The following PRKG1 variants were observed in gnomAD, a reference collection of about 807,000 sequenced individuals.
PRKG1 encodes cGMP-dependent protein kinase 1.
A neutral mutation model predicts 88.1 loss-of-function variants in PRKG1; 35 were observed. The ratio of observed to expected loss-of-function variants is 0.40; its 90% CI spans 0.30 to 0.53. PRKG1 has a LOEUF of 0.53. PRKG1 is among the 20% of genes least tolerant of loss of function. The probability of loss-of-function intolerance (pLI) is 0.59; values close to 1 mark genes in which losing one functional copy is unlikely to be tolerated. For synonymous variants in PRKG1, 303 were observed against 292.5 expected, an observed-to-expected ratio of 1.04 and a Z score of -0.37; for missense variants, 540 against 839.8, an observed-to-expected ratio of 0.64 and a Z score of 4.41.
intron 3 of PRKG1, among the ~76,000 whole-genome samples, chr10:51,643,636 C>A (rs567340927): frequency 6.6e-6 from 1 of 152,226 alleles, no homozygotes; most frequent in South Asian, 2.1e-4. Flanking sequence ...GGATCTCCTG[C>A]TGAGTGCTTG....
chr10:51,976,029 A>G (rs1843824073), intron 5 of PRKG1, among the ~76,000 whole-genome samples: 1 of 152,094 alleles, frequency 6.6e-6, no homozygotes, highest in Non-Finnish European at 1.5e-5. Context: ...AAACATCATT[A>G]GTCATTAGAA....
chr10:51,074,417 G>A, upstream of PRKG1: 1 of 1,440,214 alleles, frequency 6.9e-7, no homozygotes, highest in Non-Finnish European at 9.2e-7. Flanking sequence ...AACTCTGGGT[G>A]GCTGGAGCCG....
At chr10:52,292,226 G>A (rs950842408) in intron 17 of PRKG1, among the ~76,000 whole-genome samples, 1 of 150,588 alleles carries the variant, frequency 6.6e-6, no homozygotes, top group Admixed American at 6.6e-5. Context: ...TGTTCACTCT[G>A]ATGGTAGTTT....
At chr10:51,854,001 T>C (rs939858638) in intron 4 of PRKG1, among the ~76,000 whole-genome samples, 8 of 152,106 alleles carry the variant, frequency 5.3e-5, no homozygotes, top group Admixed American at 4.6e-4. Context: ...AAAACAGCAA[T>C]TGTTTCTACT....
Position 51,886,672 on chromosome 10 carries a change from A to G in PRKG1, c.699-20835A>G, listed in dbSNP as rs143242976. Among the ~76,000 whole-genome samples, 81 of 152,344 alleles carry G rather than the reference A, an allele frequency of 5.3e-4. 1 individual carries two copies. The highest frequency in any genetic ancestry group is 8.5e-4 in the Non-Finnish European group (58 of 68,040). On this transcript the variant is annotated intron_variant, in intron 4 of 17. Transcript: ENST00000373980. Reference sequence around the variant, plus strand: ...CTGCATCTGGCTCGTTTTGCAGATGATAATGTCTCATAGGTTTAACCATGC... The same window carrying G: ...CTGCATCTGGCTCGTTTTGCAGATGGTAATGTCTCATAGGTTTAACCATGC...
Position 51,218,569 on chromosome 10 carries a change from CAT to C in PRKG1, c.478+65248_478+65249del, listed in dbSNP as rs372292970. On this transcript the variant is annotated intron_variant, in intron 2 of 17. Transcript: ENST00000373980. ...TTGGCATTTATATATATGTATTTGG[CAT>C]ATATATATGTATTTGGCATTTACAT... Among the ~76,000 whole-genome samples, 23 of 115,252 alleles carry C rather than the reference CAT, an allele frequency of 2.0e-4. No homozygotes were observed. The East Asian group carries it at 3.6e-3, about 18-fold the overall frequency. The allele number at this position is 115,252 out of a possible 152,430, so 75.6% of individuals were successfully genotyped here. A position where few individuals can be genotyped will look rare whatever the true frequency, so the allele number is the denominator to read the frequency against.
chr10:52,158,358 A>G (rs1838182796), intron 8 of PRKG1, among the ~76,000 whole-genome samples: 2 of 151,726 alleles, frequency 1.3e-5, no homozygotes, highest in African/African-American at 4.8e-5. Flanking sequence ...CTGAGTAACT[A>G]TTTAGAAAAG....
chr10:51,174,529 G>T (rs991194003), intron 2 of PRKG1, among the ~76,000 whole-genome samples: 1 of 151,900 alleles, frequency 6.6e-6, no homozygotes, highest in African/African-American at 2.4e-5. Context: ...AGAAGAAAAA[G>T]AAAGAAAAAA....
intron 5 of PRKG1, among the ~76,000 whole-genome samples, chr10:51,946,670 C>T (rs993087992): frequency 6.6e-6 from 1 of 152,042 alleles, no homozygotes; most frequent in Non-Finnish European, 1.5e-5. Flanking sequence ...GTTAGTTTTC[C>T]TCCTAAGAGA....
At chr10:51,524,505 T>C (rs1321330187) in intron 3 of PRKG1, among the ~76,000 whole-genome samples, 5 of 152,238 alleles carry the variant, frequency 3.3e-5, no homozygotes, top group African/African-American at 4.8e-5. Flanking sequence ...CAATTTTACA[T>C]AATTTTTGTG....
chr10:51,503,102 G>T (rs1375948131), intron 3 of PRKG1, among the ~76,000 whole-genome samples: 1 of 152,106 alleles, frequency 6.6e-6, no homozygotes, highest in Non-Finnish European at 1.5e-5. Context: ...CTTTAAAGGA[G>T]GAGGGAAAGT....
At chr10:51,933,443 T>A (rs1842736140) in intron 5 of PRKG1, among the ~76,000 whole-genome samples, 1 of 152,138 alleles carries the variant, frequency 6.6e-6, no homozygotes, top group South Asian at 2.1e-4. Flanking sequence ...TTATAACCGA[T>A]AATTTCATGA....
At chr10:52,200,291 A>G in intron 9 of PRKG1, among the ~76,000 whole-genome samples, 1 of 152,158 alleles carries the variant, frequency 6.6e-6, no homozygotes, top group Non-Finnish European at 1.5e-5. Flanking sequence ...GCTGCTACTT[A>G]TAAATGATAA....
intron 1 of PRKG1, among the ~76,000 whole-genome samples, chr10:51,140,697 T>C (rs1845799465): frequency 6.6e-6 from 1 of 152,212 alleles, no homozygotes; most frequent in African/African-American, 2.4e-5. Context: ...AGTGTCCTCA[T>C]AGACTACCTC....
chr10:51,214,487 ACT>A lies in PRKG1; in HGVS notation c.478+61160_478+61161del, dbSNP rs556743876. Among the ~76,000 whole-genome samples the A allele has an allele frequency of 7.7e-3, 1,152 of 149,374 alleles. 6 individuals are homozygous for A. The highest frequency in any genetic ancestry group is 0.01 in the Non-Finnish European group (702 of 67,158). On this transcript the variant is annotated intron_variant, in intron 2 of 17. Coordinates refer to ENST00000373980, the MANE Select transcript of PRKG1 (RefSeq NM_006258.4). ...CAAGTGTTGCCACAGAAAAAGAAAA[ACT>A]CTTTTTTTTTTTGACAGGGTATTGC...
At chr10:51,782,996 A>G (rs1838633527) in intron 3 of PRKG1, among the ~76,000 whole-genome samples, 1 of 152,044 alleles carries the variant, frequency 6.6e-6, no homozygotes, top group African/African-American at 2.4e-5. Flanking sequence ...CTCACTGTAC[A>G]GTAGTAAGAT....
At chr10:52,178,341 A>G (rs192230684) in intron 9 of PRKG1, among the ~76,000 whole-genome samples, 43 of 152,176 alleles carry the variant, frequency 2.8e-4, no homozygotes, top group African/African-American at 1.0e-3. Context: ...ATTGATTTAT[A>G]ATTTTACTCC....
At chr10:51,032,369 TG>T (rs968197084) in intron 1 of PRKG1, among the ~76,000 whole-genome samples, 1 of 152,132 alleles carries the variant, frequency 6.6e-6, no homozygotes, top group African/African-American at 2.4e-5. Flanking sequence ...TTTTTTTTTT[TG>T]CCCTTGTCGA....
At chr10:51,601,929 C>T (rs1421345461) in intron 3 of PRKG1, among the ~76,000 whole-genome samples, 1 of 151,274 alleles carries the variant, frequency 6.6e-6, no homozygotes, top group Non-Finnish European at 1.5e-5. Flanking sequence ...ATGCTGACAG[C>T]TCTTCATATT....
Sources: allele counts gnomAD v4.1 joint callset (sites outside exome capture counted in the v4.1 genomes callset), GRCh38; gene constraint gnomAD v4.1.1; transcripts MANE v1.5; gene names NCBI Gene and HGNC (gene_info 2026-07-23, HGNC 2026-07-21).